MAP4K5: variants seen among roughly 807,000 people sequenced by gnomAD.
The protein encoded by MAP4K5 is MAPK/ERK kinase kinase kinase 5.
In MAP4K5, 82 loss-of-function variants were observed where a neutral mutation model predicts 135.6. The ratio of observed to expected loss-of-function variants is 0.60; its 90% CI spans 0.51 to 0.73. The LOEUF is 0.73. Among genes scored for constraint, MAP4K5 ranks in the 30% least tolerant of loss-of-function variants. The probability of loss-of-function intolerance (pLI) is 0.00; values close to 1 mark genes in which losing one functional copy is unlikely to be tolerated. For synonymous variants in MAP4K5, 347 were observed against 335.0 expected, an observed-to-expected ratio of 1.04 and a Z score of -0.39; for missense variants, 907 against 1,010.9, an observed-to-expected ratio of 0.90 and a Z score of 1.39.
intron 2 of MAP4K5, among the ~76,000 whole-genome samples, chr14:50,520,820 CTTT>C (rs139101824): frequency 1.2e-4 from 13 of 107,908 alleles, no homozygotes; most frequent in Admixed American, 2.9e-4. Flanking sequence ...GCAAAGTCAT[CTTT>C]TTTTTTTTTT....
intron 21 of MAP4K5, among the ~76,000 whole-genome samples, chr14:50,441,448 G>T (rs1378258804): frequency 1.3e-5 from 2 of 152,052 alleles, no homozygotes; most frequent in Non-Finnish European, 2.9e-5. Context: ...TGCATAACCT[G>T]ATTCAAGCAT....
intron 1 of MAP4K5, among the ~76,000 whole-genome samples, chr14:50,548,891 C>A (rs2038667412): frequency 1.3e-5 from 2 of 152,118 alleles, no homozygotes; most frequent in Admixed American, 1.3e-4. Context: ...GGCATTGCAA[C>A]AAGCAGAGGC....
At position 50,495,474 on chromosome 14, in the gene MAP4K5, T is replaced by G. The variant is rs530651988; in HGVS notation, c.167-9280A>C. ...GAACCCTTGTATACTGTTACTGACATTGCAAACTGGTGAGACTGCAACAGA... is the reference window on the plus strand; with the variant it reads ...GAACCCTTGTATACTGTTACTGACAGTGCAAACTGGTGAGACTGCAACAGA... On this transcript the variant is annotated intron_variant, in intron 3 of 32. Coordinates refer to ENST00000682126, the MANE Select transcript of MAP4K5 (RefSeq NM_006575.6). 5.3e-5 allele frequency among the ~76,000 whole-genome samples: 8 copies of G among 152,324 alleles called. 1 individual carries two copies. The Middle Eastern group carries it at 0.027, about 518-fold the overall frequency.
chr14:50,485,650 A>T lies in MAP4K5; in HGVS notation c.258-8T>A, dbSNP rs921409349. On this transcript the variant is annotated splice_region_variant and splice_polypyrimidine_tract_variant and intron_variant, in intron 4 of 32. Coordinates refer to ENST00000682126, the MANE Select transcript of MAP4K5 (RefSeq NM_006575.6). ...ATCCATAGTTTTTCCCGACTAATAC[A>T]AAAAAAAAAGAAAATTATATTAGCT... The T allele has an allele frequency of 3.4e-5, 40 of 1,172,786 alleles. No homozygotes were observed. Among genetic ancestry groups the T allele is most frequent in the Middle Eastern group, 2.2e-4 (1 of 4,620 alleles). The allele number at this position is 1,172,786 out of a possible 1,614,324, so 72.6% of individuals were successfully genotyped here.
chr14:50,530,655 A>G (rs1223931402), intron 2 of MAP4K5, among the ~76,000 whole-genome samples: 1 of 152,250 alleles, frequency 6.6e-6, no homozygotes, highest in African/African-American at 2.4e-5. Context: ...ATTGTTACAA[A>G]CATACACTTT....
At chr14:50,463,282 TG>T (rs1262296072) in intron 12 of MAP4K5, among the ~76,000 whole-genome samples, 1 of 152,204 alleles carries the variant, frequency 6.6e-6, no homozygotes. Context: ...AACATAAAAG[TG>T]TTTTATACAC....
chr14:50,489,954 G>C (rs2139950648), intron 3 of MAP4K5, among the ~76,000 whole-genome samples: 1 of 152,252 alleles, frequency 6.6e-6, no homozygotes, highest in Non-Finnish European at 1.5e-5. Context: ...CGAAAGTACA[G>C]GTTGTTTTTT....
chr14:50,481,612 C>T (rs2037245616), intron 6 of MAP4K5, among the ~76,000 whole-genome samples: 1 of 151,958 alleles, frequency 6.6e-6, no homozygotes, highest in South Asian at 2.1e-4. Context: ...ATTTAAATGC[C>T]TTAAATTATA....
intron 3 of MAP4K5, among the ~76,000 whole-genome samples, chr14:50,495,141 T>C (rs745443676): frequency 9.2e-5 from 14 of 152,136 alleles, no homozygotes; most frequent in Admixed American, 6.5e-5. Flanking sequence ...AGGCAACCTA[T>C]AGAACAGGAG....
intron 3 of MAP4K5, among the ~76,000 whole-genome samples, chr14:50,502,335 AT>A (rs1236341858): frequency 6.6e-6 from 1 of 152,208 alleles, no homozygotes; most frequent in Non-Finnish European, 1.5e-5. Context: ...CACGAAAAAC[AT>A]TTGAAAACTG....
chr14:50,430,351 T>G (rs866352695), intron 28 of MAP4K5, among the ~76,000 whole-genome samples: 1 of 152,236 alleles, frequency 6.6e-6, no homozygotes, highest in Non-Finnish European at 1.5e-5. Context: ...AAATTGCTAA[T>G]TGGCCACTGT....
At chr14:50,502,763 A>C (rs1479373958) in intron 3 of MAP4K5, among the ~76,000 whole-genome samples, 1 of 152,094 alleles carries the variant, frequency 6.6e-6, no homozygotes, top group Non-Finnish European at 1.5e-5. Context: ...CAGAACACAA[A>C]ATCTATGTTT....
intron 5 of MAP4K5, 136 bp downstream of exon 5, chr14:50,485,442 T>A: frequency 1.7e-6 from 1 of 576,566 alleles, no homozygotes; most frequent in East Asian, 3.0e-5. Context: ...TACAGATTTC[T>A]GTTATGCAGT....
At chr14:50,512,562 T>C (rs1312945033) in intron 2 of MAP4K5, among the ~76,000 whole-genome samples, 2 of 152,200 alleles carry the variant, frequency 1.3e-5, no homozygotes, top group African/African-American at 2.4e-5. Context: ...AGCCTCCATT[T>C]TGAAGACATA....
At chr14:50,476,097 G>A in intron 8 of MAP4K5, 31 bp downstream of exon 8, 1 of 1,315,256 alleles carries the variant, frequency 7.6e-7, no homozygotes, top group Non-Finnish European at 1.0e-6. Flanking sequence ...TAAATTTTTG[G>A]AAAAAATTTT....
Position 50,434,612 on chromosome 14 carries a change from A to G in MAP4K5, c.1987-41T>C, listed in dbSNP as rs2036049054. 4.6e-6 allele frequency: 7 copies of G among 1,527,734 alleles called. No individual in the cohort carries two copies. In the East Asian group the frequency reaches 1.5e-4, roughly 32 times the overall value. 94.6% of individuals were successfully genotyped at this position (1,527,734 alleles called of 1,614,324 possible). A position where few individuals can be genotyped will look rare whatever the true frequency, so the allele number is the denominator to read the frequency against. On this transcript the variant is annotated intron_variant, in intron 27 of 32. Transcript: ENST00000682126. ...ACAATAGAGCCATAATTCAGAAACA[A>G]TCTCCCCATTCATACCACTGTTGAA...
chr14:50,532,697 T>C (rs1566701321), upstream of MAP4K5: 1 of 152,408 alleles, frequency 6.6e-6, no homozygotes, highest in East Asian at 1.9e-4. Context: ...AGAACCAGAG[T>C]GCCGCCCTGA....
intron 2 of MAP4K5, among the ~76,000 whole-genome samples, chr14:50,520,801 T>C (rs1160609978): frequency 1.3e-5 from 2 of 149,476 alleles, no homozygotes; most frequent in Non-Finnish European, 3.0e-5. Flanking sequence ...TATTGTAAGG[T>C]GGCTATCGGC....
intron 2 of MAP4K5, among the ~76,000 whole-genome samples, chr14:50,516,674 T>C (rs935466701): frequency 6.6e-6 from 1 of 152,222 alleles, no homozygotes; most frequent in Admixed American, 6.5e-5. Flanking sequence ...AGCACATCTC[T>C]TCTACTTAAT....
Sources: gnomAD v4.1 joint callset for allele counts (sites outside exome capture counted in the v4.1 genomes callset) on GRCh38, gnomAD v4.1.1 for gene constraint, MANE v1.5 for transcripts, NCBI Gene and HGNC (gene_info 2026-07-23, HGNC 2026-07-21) for gene names.